The following MINDY3 variants were observed in gnomAD, a reference collection of about 807,000 sequenced individuals.
MINDY3 encodes the protein ubiquitin carboxyl-terminal hydrolase MINDY-3.
Under a neutral mutation model 69.2 loss-of-function variants are expected in MINDY3, and 38 were observed. The observed-to-expected ratio is 0.55, with a 90% CI of 0.42 to 0.72. The LOEUF (loss-of-function observed/expected upper bound fraction) is 0.72. MINDY3 is among the 30% of genes least tolerant of loss of function. MINDY3 has a pLI of 0.00. For synonymous variants in MINDY3, 192 were observed against 180.1 expected (o/e 1.07, Z -0.53); for missense variants, 522 against 519.0 (o/e 1.01, Z -0.06).
At chr10:15,855,158 C>T (rs1834602547) in intron 1 of MINDY3, among the ~76,000 whole-genome samples, 1 of 151,994 alleles carries the variant, frequency 6.6e-6, no homozygotes, top group South Asian at 2.1e-4. Flanking sequence ...ATTAAAAGCC[C>T]ATGGAGTGAA....
At position 15,843,237 on chromosome 10, in the gene MINDY3, C is replaced by T. The variant is rs1833604691; in HGVS notation, c.210G>A (p.Glu70=). 6.2e-7 allele frequency: 1 copy of T among 1,613,018 alleles called. No homozygotes were observed. Among genetic ancestry groups the T allele is most frequent in the Non-Finnish European group, 8.5e-7 (1 of 1,179,124 alleles). The change falls in exon 3 of 15, where the codon GAG becomes GAA. Residue 70 remains glutamate (E), a synonymous_variant. Coordinates refer to ENST00000277632, the MANE Select transcript of MINDY3 (RefSeq NM_024948.4). ...FLLKKLLFSS[E]KSSWRDCSEE... The stretch of plus-strand genomic sequence containing the variant: ...CTGAACAATCCCGCCAAGAAGACTT[C>T]TCCGAAGAAAACAGGAGCTTCTTCA...
At chr10:15,852,596 A>G (rs1834381180) in intron 1 of MINDY3, among the ~76,000 whole-genome samples, 4 of 152,202 alleles carry the variant, frequency 2.6e-5, no homozygotes, top group Admixed American at 2.0e-4. Context: ...AATCAGAAGC[A>G]AAGAGTAGTC....
At chr10:15,785,140 G>C (rs1236739471) in intron 13 of MINDY3, among the ~76,000 whole-genome samples, 1 of 152,126 alleles carries the variant, frequency 6.6e-6, no homozygotes, top group South Asian at 2.1e-4. Context: ...AGGTAACCAA[G>C]AGCAGGATCA....
rs76751842 is a variant in MINDY3, at chr10:15,820,137, A to G, written c.801+1519T>C. ...TAATTATTCCTATTAAATATTGTGG[A>G]AAAGAATATCTGAGGGAGTGGTCAA... On this transcript the variant is annotated intron_variant, in intron 9 of 14. Transcript: ENST00000277632. 1.9e-3 allele frequency among the ~76,000 whole-genome samples: 287 copies of G among 152,328 alleles called. 3 individuals carry two copies. The East Asian group carries it at 0.03, about 16-fold the overall frequency.
At chr10:15,860,118 C>T (rs1210878214) in intron 1 of MINDY3, 88 bp downstream of exon 1, 1 of 983,150 alleles carries the variant, frequency 1.0e-6, no homozygotes, top group Non-Finnish European at 1.6e-6. Context: ...GCGGGGCACG[C>T]GAGGGGCTGG....
rs550676657 is a variant in MINDY3 at position 15,853,182 on chromosome 10, G to A, written c.95-5239C>T. ...AGAATTATTAATTTTGTAGACTGAA[G>A]GGTGTGAATTAGAAAAGGGAAAGAG... On this transcript the variant is annotated intron_variant, in intron 1 of 14. Coordinates refer to ENST00000277632, the MANE Select transcript of MINDY3 (RefSeq NM_024948.4). 3.3e-5 allele frequency among the ~76,000 whole-genome samples: 5 copies of A among 152,168 alleles called. No homozygotes were observed. In the South Asian group the frequency reaches 1.0e-3, roughly 32 times the overall value.
chr10:15,823,816 C>T (rs1172447481), intron 8 of MINDY3, among the ~76,000 whole-genome samples: 1 of 152,108 alleles, frequency 6.6e-6, no homozygotes, highest in East Asian at 1.9e-4. Flanking sequence ...TGACCCTTCC[C>T]AGTCTCTGTT....
At chr10:15,786,521 C>A in intron 13 of MINDY3, 40 bp downstream of exon 13, 1 of 1,188,148 alleles carries the variant, frequency 8.4e-7, no homozygotes, top group South Asian at 1.3e-5. Flanking sequence ...GTAATCATCC[C>A]AACAGAATAA....
chr10:15,800,940 C>T (rs1588540650), intron 10 of MINDY3, among the ~76,000 whole-genome samples: 2 of 152,128 alleles, frequency 1.3e-5, no homozygotes, highest in Non-Finnish European at 2.9e-5. Flanking sequence ...AGTCATTATA[C>T]AAGCTAAAGC....
At position 15,823,668 on chromosome 10, in the gene MINDY3, A is replaced by G. The variant is rs537575283; in HGVS notation, c.731-1942T>C. On this transcript the variant is annotated intron_variant, in intron 8 of 14. Coordinates refer to ENST00000277632, the MANE Select transcript of MINDY3 (RefSeq NM_024948.4). ...ATAATGATCAAGCCAGGGTATGAAG[A>G]GTATCCACTGCTCAAGTACAATGCA... 1.2e-4 allele frequency among the ~76,000 whole-genome samples: 19 copies of G among 152,238 alleles called. No homozygotes were observed. The South Asian group carries it at 3.9e-3, about 32-fold the overall frequency.
intron 10 of MINDY3, among the ~76,000 whole-genome samples, chr10:15,810,109 G>A (rs2131949353): frequency 6.6e-6 from 1 of 152,096 alleles, no homozygotes; most frequent in Admixed American, 6.6e-5. Flanking sequence ...CAGGAAGAGG[G>A]CACCAGTACA....
Position 15,833,721 on chromosome 10 carries a change from T to C in MINDY3, c.651-12A>G, listed in dbSNP as rs757293713. On this transcript the variant is annotated splice_polypyrimidine_tract_variant and intron_variant, in intron 7 of 14. Transcript: ENST00000277632. ...TAATTAAACTTTGGCTATTAATAAA[T>C]ATTAAAAAGCAATTAAATATGAATA... The C allele has an allele frequency of 6.4e-7, 1 of 1,550,966 alleles. No homozygotes were observed. The highest frequency in any genetic ancestry group is 8.9e-7 in the Non-Finnish European group (1 of 1,123,610).
intron 10 of MINDY3, among the ~76,000 whole-genome samples, chr10:15,799,578 G>GTT (rs1838105234): frequency 6.6e-6 from 1 of 152,182 alleles, no homozygotes; most frequent in African/African-American, 2.4e-5. Flanking sequence ...ATTTTACAAA[G>GTT]AATATATTTT....
At chr10:15,850,254 T>C (rs1834184926) in intron 1 of MINDY3, among the ~76,000 whole-genome samples, 1 of 152,202 alleles carries the variant, frequency 6.6e-6, no homozygotes. Flanking sequence ...GATTGTGTTA[T>C]CTGCATAAAT....
At chr10:15,811,334 T>C (rs567053322) in intron 10 of MINDY3, among the ~76,000 whole-genome samples, 2 of 152,272 alleles carry the variant, frequency 1.3e-5, no homozygotes, top group Admixed American at 1.3e-4. Flanking sequence ...GCTGAGACCT[T>C]AGTTCATCCT....
chr10:15,816,846 A>C lies in MINDY3; in HGVS notation c.871T>G (p.Phe291Val), dbSNP rs1839405235. Residue 291 changes from phenylalanine to valine, a missense_variant, in exon 10 of 15, where the codon TTT becomes GTT. Phe to Val is a conservative substitution (Grantham distance 50, BLOSUM62 -1). Transcript: ENST00000277632. ...IVGSETHLTV[F>V]FAKDMALVAP... ...TGCTATAAGCATACCTTGGCAAAAA[A>C]TACGGTGAGGTGAGTCTCACTGCCA... 1 of 1,612,922 alleles carries C rather than the reference A, an allele frequency of 6.2e-7. No individual in the cohort carries two copies. Among genetic ancestry groups the C allele is most frequent in the African/African-American group, 1.3e-5 (1 of 74,894 alleles).
At chr10:15,805,382 G>C (rs1838565080) in intron 10 of MINDY3, among the ~76,000 whole-genome samples, 1 of 152,086 alleles carries the variant, frequency 6.6e-6, no homozygotes, top group African/African-American at 2.4e-5. Flanking sequence ...ATTTTAAAAG[G>C]TTTCTGGTGA....
At position 15,778,906 on chromosome 10, in the gene MINDY3, G is replaced by T; in HGVS notation, c.*86C>A. 1 of 1,169,036 alleles carries T rather than the reference G, an allele frequency of 8.6e-7. No homozygotes were observed. The highest frequency in any genetic ancestry group is 1.2e-6 in the Non-Finnish European group (1 of 817,588). 72.4% of individuals were successfully genotyped at this position (1,169,036 alleles called of 1,614,324 possible). On this transcript the variant is annotated 3_prime_UTR_variant, in exon 15 of 15. Coordinates refer to ENST00000277632, the MANE Select transcript of MINDY3 (RefSeq NM_024948.4). ...TTTACAGTTAATCAGTGATACCAGT[G>T]TTTAGCTTAATCCAGCCAATTGCCA...
At chr10:15,811,783 C>G (rs1839019144) in intron 10 of MINDY3, among the ~76,000 whole-genome samples, 1 of 152,028 alleles carries the variant, frequency 6.6e-6, no homozygotes, top group South Asian at 2.1e-4. Context: ...ATACATGAAG[C>G]TTTCATTCCT....
Sources: gnomAD v4.1 joint callset for allele counts (sites outside exome capture counted in the v4.1 genomes callset) on GRCh38, gnomAD v4.1.1 for gene constraint, MANE v1.5 for transcripts, NCBI Gene and HGNC (gene_info 2026-07-23, HGNC 2026-07-21) for gene names.